The following CCDC178 variants were observed in gnomAD, a reference collection of about 807,000 sequenced individuals.
CCDC178 encodes the protein coiled-coil domain-containing protein 178.
In CCDC178, 126 loss-of-function variants were observed where a neutral mutation model predicts 117.4. The observed-to-expected ratio is 1.07, with a 90% confidence interval of 0.93 to 1.24. CCDC178 has a LOEUF of 1.24. Ranked by LOEUF, CCDC178 falls within the 50% of genes most tolerant of loss-of-function variation. The pLI, the probability that CCDC178 is intolerant of heterozygous loss-of-function variation, is 0.00. For synonymous variants in CCDC178, 283 were observed against 313.4 expected (o/e 0.90, Z 1.02); for missense variants, 1,030 against 986.9 (o/e 1.04, Z -0.59).
rs182040857 is a variant in CCDC178, at chr18:33,390,207, G to A, written c.119-578C>T. Among the ~76,000 whole-genome samples the A allele has an allele frequency of 1.8e-3, 274 of 151,514 alleles. 1 individual carries two copies. Among genetic ancestry groups the A allele is most frequent in the African/African-American group, 5.7e-3 (238 of 41,420 alleles). On this transcript the variant is annotated intron_variant, in intron 4 of 22. Coordinates refer to ENST00000383096, the MANE Select transcript of CCDC178 (RefSeq NM_001105528.4). ...GAAAATGTAGAGAGAGAGGGGAAACGTTTTATTTTACAGTCTCTGAGGAAG... is the reference window on the plus strand; with the variant it reads ...GAAAATGTAGAGAGAGAGGGGAAACATTTTATTTTACAGTCTCTGAGGAAG...
At chr18:33,175,042 AT>A (rs561300705) in intron 20 of CCDC178, among the ~76,000 whole-genome samples, 10,328 of 126,994 alleles carry the variant, frequency 0.081, 596 homozygotes, top group African/African-American at 0.21. Flanking sequence ...TTATTTTTTT[AT>A]TTTTTTTGGT....
At chr18:33,276,400 T>A (rs911410338) in intron 12 of CCDC178, among the ~76,000 whole-genome samples, 4 of 151,960 alleles carry the variant, frequency 2.6e-5, no homozygotes, top group Non-Finnish European at 4.4e-5. Context: ...AAGTGGAGAT[T>A]CAGAGTTGGC....
chr18:33,195,287 A>C (rs961200803), intron 20 of CCDC178, among the ~76,000 whole-genome samples: 4 of 152,102 alleles, frequency 2.6e-5, no homozygotes, highest in Admixed American at 1.3e-4. Flanking sequence ...TCTTTTGCCT[A>C]AATCTTTGGA....
At chr18:33,353,094 G>T (rs2062999255) in intron 7 of CCDC178, among the ~76,000 whole-genome samples, 3 of 151,784 alleles carry the variant, frequency 2.0e-5, no homozygotes, top group Middle Eastern at 3.4e-3. Flanking sequence ...TATATTGTTA[G>T]GTGTGTTATA....
chr18:33,404,367 TCTA>T (rs1001219228), intron 3 of CCDC178, among the ~76,000 whole-genome samples: 1 of 151,468 alleles, frequency 6.6e-6, no homozygotes, highest in Non-Finnish European at 1.5e-5. Context: ...CTAAAGACAG[TCTA>T]CTAATTAAAA....
chr18:32,995,773 G>A (rs1219855315), intron 21 of CCDC178, among the ~76,000 whole-genome samples: 4 of 151,918 alleles, frequency 2.6e-5, no homozygotes, highest in Non-Finnish European at 1.5e-5. Context: ...TATTATCAAA[G>A]CAATAAGATT....
At chr18:33,052,029 G>A (rs1456570733) in intron 21 of CCDC178, among the ~76,000 whole-genome samples, 1 of 152,124 alleles carries the variant, frequency 6.6e-6, no homozygotes, top group Non-Finnish European at 1.5e-5. Flanking sequence ...GCTTTTAGAT[G>A]GGATGCTCCA....
chr18:33,251,947 T>G (rs867819765), intron 14 of CCDC178, among the ~76,000 whole-genome samples: 1 of 151,832 alleles, frequency 6.6e-6, no homozygotes, highest in African/African-American at 2.4e-5. Flanking sequence ...TTTAAATATG[T>G]GCTTATTTTG....
intron 21 of CCDC178, among the ~76,000 whole-genome samples, chr18:33,063,622 C>G (rs1027994693): frequency 3.3e-5 from 5 of 152,154 alleles, no homozygotes; most frequent in Admixed American, 2.6e-4. Flanking sequence ...ACTACACACG[C>G]TGTACACAGA....
intron 20 of CCDC178, among the ~76,000 whole-genome samples, chr18:33,121,787 G>T (rs2144215063): frequency 6.6e-6 from 1 of 152,206 alleles, no homozygotes; most frequent in South Asian, 2.1e-4. Flanking sequence ...AGCATCAGAT[G>T]AGAAAAATAC....
chr18:33,012,243 A>T (rs2055885987), intron 21 of CCDC178, among the ~76,000 whole-genome samples: 1 of 152,192 alleles, frequency 6.6e-6, no homozygotes, highest in South Asian at 2.1e-4. Flanking sequence ...TTTTTAGCAC[A>T]GGCTTTTGCA....
At chr18:33,113,271 A>G (rs1399868476) in intron 20 of CCDC178, among the ~76,000 whole-genome samples, 4 of 152,216 alleles carry the variant, frequency 2.6e-5, no homozygotes, top group East Asian at 3.9e-4. Context: ...CTAAAAATCA[A>G]TAATCCTTGA....
intron 21 of CCDC178, among the ~76,000 whole-genome samples, chr18:32,999,365 C>G: frequency 6.6e-6 from 1 of 152,300 alleles, no homozygotes; most frequent in Non-Finnish European, 1.5e-5. Flanking sequence ...ACTTTAGGCT[C>G]TGGCTCCTGG....
intron 14 of CCDC178, among the ~76,000 whole-genome samples, chr18:33,258,890 T>G (rs781335585): frequency 2.0e-5 from 3 of 152,146 alleles, no homozygotes; most frequent in Non-Finnish European, 4.4e-5. Context: ...AATCTCTATA[T>G]TATTTTATGT....
intron 10 of CCDC178, among the ~76,000 whole-genome samples, chr18:33,330,734 T>C (rs906993433): frequency 2.0e-5 from 3 of 152,134 alleles, no homozygotes; most frequent in East Asian, 1.9e-4. Context: ...CAGGGAAAGG[T>C]TGCTGTCCCA....
chr18:33,299,809 C>A (rs2062153844), intron 11 of CCDC178, among the ~76,000 whole-genome samples: 1 of 149,030 alleles, frequency 6.7e-6, no homozygotes, highest in South Asian at 2.1e-4. Context: ...AAACAAAAAA[C>A]CTTGGGCAAA....
chr18:33,371,273 ATGTG>A (rs80142069), intron 5 of CCDC178, among the ~76,000 whole-genome samples: 31,975 of 151,472 alleles, frequency 0.21, 4,305 homozygotes, highest in Non-Finnish European at 0.3. Context: ...TCTCTCATAT[ATGTG>A]TGTGTGTGTA....
chr18:33,218,582 T>G (rs1427219033), intron 18 of CCDC178, among the ~76,000 whole-genome samples: 1 of 152,152 alleles, frequency 6.6e-6, no homozygotes, highest in Non-Finnish European at 1.5e-5. Context: ...TTTATGGTTT[T>G]AGGTCTAACA....
chr18:33,110,974 C>A (rs973323556), intron 20 of CCDC178, among the ~76,000 whole-genome samples: 1 of 151,490 alleles, frequency 6.6e-6, no homozygotes, highest in Non-Finnish European at 1.5e-5. Context: ...TATAAACCAA[C>A]TTGGGGAGAG....
Sources: allele counts gnomAD v4.1 joint callset (sites outside exome capture counted in the v4.1 genomes callset), GRCh38; gene constraint gnomAD v4.1.1; transcripts MANE v1.5; gene names NCBI Gene and HGNC (gene_info 2026-07-23, HGNC 2026-07-21).